Variants in LEPROTL1 observed in about 807,000 individuals in gnomAD.
LEPROTL1 encodes the protein leptin receptor overlapping transcript like 1, also known as leptin receptor overlapping transcript-like 1.
In LEPROTL1, 6 loss-of-function variants were observed where a neutral mutation model predicts 15.4. The ratio of observed to expected loss-of-function variants is 0.39; its 90% CI spans 0.21 to 0.77. The LOEUF (loss-of-function observed/expected upper bound fraction) is 0.77. Ranked by LOEUF, LEPROTL1 falls within the 30% of genes least tolerant of loss-of-function variation. The pLI, the probability that LEPROTL1 is intolerant of heterozygous loss-of-function variation, is 0.41. For synonymous variants in LEPROTL1, 56 were observed against 52.6 expected (o/e 1.06, Z -0.28); for missense variants, 128 against 158.1 (o/e 0.81, Z 1.02).
intron 2 of LEPROTL1, among the ~76,000 whole-genome samples, chr8:30,103,799 A>G (rs2117483816): frequency 6.6e-6 from 1 of 151,596 alleles, no homozygotes; most frequent in Middle Eastern, 3.4e-3. Flanking sequence ...TAGCCTCTGT[A>G]CAATCAGATC....
At chr8:30,136,371 G>T (rs556272760) in intron 4 of LEPROTL1, among the ~76,000 whole-genome samples, 1 of 152,170 alleles carries the variant, frequency 6.6e-6, no homozygotes, top group Non-Finnish European at 1.5e-5. Context: ...CGCAAGCCAC[G>T]AGAATGGCCT....
rs1802556984 is a variant in LEPROTL1 at position 30,105,890 on chromosome 8, G to T, written c.*28G>T. On this transcript the variant is annotated 3_prime_UTR_variant, in exon 4 of 4. Transcript: ENST00000321250. Reference sequence around the variant, plus strand: ...AGAAATTACTGAACTATTGTCAAATGGACTTCCTGTCATTTGTTGGCCATT... The same window carrying T: ...AGAAATTACTGAACTATTGTCAAATTGACTTCCTGTCATTTGTTGGCCATT... 3 of 1,470,816 alleles carry T rather than the reference G, an allele frequency of 2.0e-6. No individual in the cohort carries two copies. Among genetic ancestry groups the T allele is most frequent in the Non-Finnish European group, 2.7e-6 (3 of 1,106,484 alleles). 91.1% of individuals were successfully genotyped at this position (1,470,816 alleles called of 1,614,324 possible).
intron 3 of LEPROTL1, 85 bp from the exon 4 acceptor site, chr8:30,105,661 T>A: frequency 9.3e-7 from 1 of 1,073,166 alleles, no homozygotes; most frequent in Non-Finnish European, 1.4e-6. Context: ...AGATCATAAT[T>A]GGGATACAAC....
intron 3 of LEPROTL1, among the ~76,000 whole-genome samples, chr8:30,118,413 A>G (rs769996761): frequency 3.9e-5 from 6 of 152,206 alleles, no homozygotes; most frequent in Non-Finnish European, 7.3e-5. Context: ...GGCTGCAATA[A>G]TAAAGTACCA....
rs1258922028 is a variant in LEPROTL1 at position 30,128,098 on chromosome 8, T to C, written c.280-4277T>C. Among the ~76,000 whole-genome samples, 4 of 152,154 alleles carry C rather than the reference T, an allele frequency of 2.6e-5. No individual in the cohort carries two copies. The South Asian group carries it at 8.3e-4, about 32-fold the overall frequency. On this transcript the variant is annotated intron_variant, in intron 3 of 4. Transcript: ENST00000442880. ...ACTGGAAGGAGACACCTCCTCTCTG[T>C]TTCTGCCCATCTTGGATCCGGGCTG...
chr8:30,114,880 G>T (rs1465801303), intron 3 of LEPROTL1, among the ~76,000 whole-genome samples: 1 of 152,148 alleles, frequency 6.6e-6, no homozygotes, highest in Admixed American at 6.5e-5. Flanking sequence ...TGTTAGATCT[G>T]CCTGGGGGTC....
chr8:30,125,501 C>T (rs2117519677), intron 3 of LEPROTL1, among the ~76,000 whole-genome samples: 1 of 152,334 alleles, frequency 6.6e-6, no homozygotes, highest in Middle Eastern at 3.4e-3. Context: ...AGCAGATTTT[C>T]TTCCATTGCT....
rs1243687354 is a variant in LEPROTL1 at position 30,095,526 on chromosome 8, A to C, written c.14A>C (p.Lys5Thr). The C allele has an allele frequency of 1.4e-6, 2 of 1,448,380 alleles. No homozygotes were observed. The highest frequency in any genetic ancestry group is 3.1e-5 in the East Asian group (1 of 32,572). 89.7% of individuals were successfully genotyped at this position (1,448,380 alleles called of 1,614,324 possible). MAGI[K>T]ALISLSFGGA... ...GACGTCACCGCCATGGCAGGCATCA[A>C]AGGTGGGCCTGGGTTGCAGGACGCG... Residue 5 changes from lysine to threonine, a missense_variant and splice_region_variant, in exon 1 of 4, where the codon AAA (lysine) becomes ACA (threonine). Transcript: ENST00000321250.
At chr8:30,130,849 G>A (rs147656272) in intron 3 of LEPROTL1, among the ~76,000 whole-genome samples, 1,975 of 143,652 alleles carry the variant, frequency 0.014, 44 homozygotes, top group East Asian at 0.076. Flanking sequence ...GTGTGATCTC[G>A]GCTTACTACA....
chr8:30,102,735 A>C (rs1044422056), intron 2 of LEPROTL1, among the ~76,000 whole-genome samples: 13 of 152,184 alleles, frequency 8.5e-5, no homozygotes, highest in African/African-American at 3.1e-4. Flanking sequence ...AATTAGAAAA[A>C]GATGGACAAC....
chr8:30,096,502 T>TAAGACTGTGACC, intron 1 of LEPROTL1: 1 of 418,798 alleles, frequency 2.4e-6, no homozygotes, highest in Non-Finnish European at 3.2e-6. Flanking sequence ...AGGGTCACAG[T>TAAGACTGTGACC]CTTACTGTTT....
chr8:30,127,685 T>A (rs73224585), intron 3 of LEPROTL1, among the ~76,000 whole-genome samples: 4 of 135,146 alleles, frequency 3.0e-5, no homozygotes, highest in Non-Finnish European at 3.1e-5. Context: ...AAAAAAAAAA[T>A]ACACACACAC....
At chr8:30,131,296 A>ATATATGTGTATGTG (rs367717206) in intron 3 of LEPROTL1, among the ~76,000 whole-genome samples, 3 of 123,914 alleles carry the variant, frequency 2.4e-5, no homozygotes, top group African/African-American at 8.3e-5. Flanking sequence ...ATATATATAT[A>ATATATGTGTATGTG]TGTGTGTGTG....
At chr8:30,123,634 A>G (rs1802863968) in intron 3 of LEPROTL1, among the ~76,000 whole-genome samples, 1 of 152,182 alleles carries the variant, frequency 6.6e-6, no homozygotes, top group South Asian at 2.1e-4. Context: ...ACATATACAC[A>G]CATACAAACC....
chr8:30,115,555 T>C (rs1802727957), intron 3 of LEPROTL1, among the ~76,000 whole-genome samples: 1 of 138,994 alleles, frequency 7.2e-6, no homozygotes, highest in Non-Finnish European at 1.5e-5. Flanking sequence ...TTTTTTTTTT[T>C]TTTTTTTTTT....
chr8:30,132,675 C>T, intron 4 of LEPROTL1: 3 of 1,551,736 alleles, frequency 1.9e-6, no homozygotes, highest in Non-Finnish European at 2.6e-6. Context: ...AAGCACTGGA[C>T]CCTTGAACAC....
Position 30,105,904 on chromosome 8 carries a change from T to C in LEPROTL1, c.*42T>C. 1.4e-6 allele frequency: 2 copies of C among 1,449,662 alleles called. No individual in the cohort carries two copies. The highest frequency in any genetic ancestry group is 1.8e-6 in the Non-Finnish European group (2 of 1,094,434). The allele number at this position is 1,449,662 out of a possible 1,614,324, so 89.8% of individuals were successfully genotyped here. ...TATTGTCAAATGGACTTCCTGTCATTTGTTGGCCATTCACGCACACAGGAG... is the reference window on the plus strand; with the variant it reads ...TATTGTCAAATGGACTTCCTGTCATCTGTTGGCCATTCACGCACACAGGAG... On this transcript the variant is annotated 3_prime_UTR_variant, in exon 4 of 4. Transcript: ENST00000321250.
rs768639188 is a variant in LEPROTL1 at position 30,108,112 on chromosome 8, T to C, written c.*2250T>C. On this transcript the variant is annotated 3_prime_UTR_variant, in exon 4 of 4. Transcript: ENST00000321250. ...TGAAATGAAAATATATGGCACACTT[T>C]CATTCTGAAGTGCATTAACATTCTA... The C allele has an allele frequency of 2.3e-5, 14 of 605,960 alleles. No individual in the cohort carries two copies. The highest frequency in any genetic ancestry group is 2.9e-5 in the Non-Finnish European group (14 of 483,476). 37.5% of individuals were successfully genotyped at this position (605,960 alleles called of 1,614,324 possible).
intron 3 of LEPROTL1, among the ~76,000 whole-genome samples, chr8:30,114,895 G>A (rs545687053): frequency 4.0e-4 from 61 of 152,190 alleles, no homozygotes; most frequent in Non-Finnish European, 7.8e-4. Flanking sequence ...GGGGTCACAC[G>A]CACCTCCTCT....
Sources: gnomAD v4.1 joint callset for allele counts (sites outside exome capture counted in the v4.1 genomes callset) on GRCh38, gnomAD v4.1.1 for gene constraint, MANE v1.5 for transcripts, NCBI Gene and HGNC (gene_info 2026-07-23, HGNC 2026-07-21) for gene names.